IPO7: variants seen among roughly 807,000 people sequenced by gnomAD.
IPO7 encodes importin 7, also known as importin-7.
In IPO7, 13 loss-of-function variants were observed where a neutral mutation model predicts 136.4. The observed-to-expected ratio is 0.10, with a 90% CI of 0.06 to 0.15. The LOEUF (loss-of-function observed/expected upper bound fraction) is 0.15, where lower values mean the gene tolerates loss of function less well. Ranked by LOEUF, IPO7 falls within the 10% of genes least tolerant of loss-of-function variation. The probability of loss-of-function intolerance (pLI) is 1.00; values close to 1 mark genes in which losing one functional copy is unlikely to be tolerated. For synonymous variants in IPO7, 403 were observed against 404.4 expected (o/e 1.00, Z 0.04); for missense variants, 857 against 1,240.6 (o/e 0.69, Z 4.65).
chr11:9,429,693 A>G lies in IPO7; in HGVS notation c.1611A>G (p.Pro537=). The G allele has an allele frequency of 6.2e-7, 1 of 1,608,134 alleles. No homozygotes were observed. Among genetic ancestry groups the G allele is most frequent in the African/African-American group, 1.3e-5 (1 of 74,748 alleles). Residue 537 remains proline (P), a synonymous_variant, in exon 15 of 25, where the codon CCA becomes CCG. Coordinates refer to ENST00000379719, the MANE Select transcript of IPO7 (RefSeq NM_006391.3). ...TTACAGCTAAAGAATATATCACACC[A>G]TTCATCAGACCTGTAATGCAGGCTC... The part of the protein sequence containing the change: ...NQEKAKEYIT[P]FIRPVMQALL...
intron 19 of IPO7, among the ~76,000 whole-genome samples, chr11:9,435,274 CTAACAT>C (rs1855353680): frequency 7.6e-6 from 1 of 130,766 alleles, no homozygotes; most frequent in Admixed American, 7.9e-5. Flanking sequence ...CGGAGTTTAA[CTAACAT>C]AGTCTTATGG....
At chr11:9,424,037 TTGATAA>T (rs1349206504) in intron 10 of IPO7, among the ~76,000 whole-genome samples, 161 bp downstream of exon 10, 1 of 152,220 alleles carries the variant, frequency 6.6e-6, no homozygotes, top group Non-Finnish European at 1.5e-5. Flanking sequence ...ATTATGACAT[TTGATAA>T]TGATAATCTT....
Position 9,406,201 on chromosome 11 carries a change from G to A in IPO7, c.167-2285G>A, listed in dbSNP as rs369236423. 1.1e-3 allele frequency among the ~76,000 whole-genome samples: 155 copies of A among 145,458 alleles called. 1 individual carries two copies. The highest frequency in any genetic ancestry group is 3.8e-3 in the African/African-American group (148 of 39,364). ...TTCCAAAGTATTGAGCTTTACAGGC[G>A]TTAGCCACTATGGCTGGTCTTGAAT... is the stretch of plus-strand genomic sequence containing the variant. On this transcript the variant is annotated intron_variant, in intron 2 of 24. Transcript: ENST00000379719.
chr11:9,433,602 G>A lies in IPO7; in HGVS notation c.1914G>A (p.Gln638=). The change falls in exon 17 of 25, where the codon CAG becomes CAA. Residue 638 remains glutamine (Q), a synonymous_variant. Coordinates refer to ENST00000379719, the MANE Select transcript of IPO7 (RefSeq NM_006391.3). ...ITQQLEGICL[Q]VIGTVLQQHV... Reference sequence around the variant, plus strand: ...AACAGCTTGAGGGAATCTGCTTACAGGTCATTGGTACTGTTTTACAACAGC... The same window carrying A: ...AACAGCTTGAGGGAATCTGCTTACAAGTCATTGGTACTGTTTTACAACAGC... 6.2e-7 allele frequency: 1 copy of A among 1,612,522 alleles called. No individual in the cohort carries two copies. The highest frequency in any genetic ancestry group is 1.1e-5 in the South Asian group (1 of 91,008).
chr11:9,386,372 G>C (rs920278872), intron 1 of IPO7, among the ~76,000 whole-genome samples: 3 of 152,112 alleles, frequency 2.0e-5, no homozygotes, highest in Admixed American at 2.0e-4. Context: ...ACCAAACTAT[G>C]GAAGGAGCAA....
rs1345028878 is a variant in IPO7 at position 9,436,670 on chromosome 11, TTTTG to T, written c.2268+312_2268+315del. Among the ~76,000 whole-genome samples the T allele has an allele frequency of 1.0e-4, 15 of 150,408 alleles. No individual in the cohort carries two copies. The South Asian group carries it at 2.1e-3, about 21-fold the overall frequency. ...TCAGTTTTTTTGTTTGTTTGTTTTG[TTTTG>T]TTTGTTTTTTGTTTTTTGTTTTTTT... On this transcript the variant is annotated intron_variant, in intron 20 of 24. Coordinates refer to ENST00000379719, the MANE Select transcript of IPO7 (RefSeq NM_006391.3).
intron 12 of IPO7, 102 bp downstream of exon 12, chr11:9,425,364 C>T (rs574277110): frequency 6.1e-5 from 45 of 736,402 alleles, no homozygotes; most frequent in Non-Finnish European, 8.5e-5. Flanking sequence ...CCAGCACTTT[C>T]GGGATGCTGA....
chr11:9,423,409 T>A (rs1279007841), intron 9 of IPO7, among the ~76,000 whole-genome samples: 2 of 152,222 alleles, frequency 1.3e-5, no homozygotes, highest in Admixed American at 1.3e-4. Context: ...GATTATATTT[T>A]ATCATGTAAT....
At position 9,397,349 on chromosome 11, in the gene IPO7, T is replaced by A. The variant is rs1458782568; in HGVS notation, c.85-5941T>A. Reference sequence around the variant, plus strand: ...AAAATAATTTAAAAAAAAATATATATATATATATATATATATTAGTCGGGC... The same window carrying A: ...AAAATAATTTAAAAAAAAATATATAAATATATATATATATATTAGTCGGGC... On this transcript the variant is annotated intron_variant, in intron 1 of 24. Coordinates refer to ENST00000379719, the MANE Select transcript of IPO7 (RefSeq NM_006391.3). Among the ~76,000 whole-genome samples, 113 of 19,114 alleles carry A rather than the reference T, an allele frequency of 5.9e-3. 19 individuals carry two copies. The East Asian group carries it at 0.12, about 21-fold the overall frequency. The allele number at this position is 19,114 out of a possible 152,430, so 12.5% of individuals were successfully genotyped here.
intron 23 of IPO7, among the ~76,000 whole-genome samples, chr11:9,441,273 C>T (rs1377358023): frequency 1.3e-5 from 2 of 152,076 alleles, no homozygotes; most frequent in African/African-American, 4.8e-5. Context: ...GTCCACTGTT[C>T]CTATAATGTG....
chr11:9,417,938 TC>T (rs540777117), intron 6 of IPO7, among the ~76,000 whole-genome samples: 1 of 151,266 alleles, frequency 6.6e-6, no homozygotes, highest in Non-Finnish European at 1.5e-5. Flanking sequence ...GTCTCAAACT[TC>T]TGAGCTCAGG....
intron 1 of IPO7, among the ~76,000 whole-genome samples, chr11:9,396,052 C>A (rs1245024934): frequency 1.3e-5 from 2 of 151,868 alleles, no homozygotes; most frequent in African/African-American, 4.8e-5. Context: ...ATCCATTGCA[C>A]TTTTAAAATT....
At chr11:9,424,779 A>T (rs564997644) in intron 10 of IPO7, 135 bp from the exon 11 acceptor site, 1 of 616,058 alleles carries the variant, frequency 1.6e-6, no homozygotes, top group Admixed American at 3.2e-5. Flanking sequence ...CAGAAAAGAC[A>T]TTGAATTCTG....
chr11:9,411,868 C>G (rs1854972632), intron 4 of IPO7, among the ~76,000 whole-genome samples: 1 of 152,118 alleles, frequency 6.6e-6, no homozygotes, highest in Admixed American at 6.5e-5. Context: ...TCCCAGTCCA[C>G]TATTCAGGGT....
rs1564993729 is a variant in IPO7, at chr11:9,403,319, A to T, written c.114A>T (p.Thr38=). ...ACAAGTCTCTGAATTTTGTCTCAAC[A>T]CTGCTCCAGATTACTATGTCGGAAC... The part of the protein sequence containing the change: ...EAHKSLNFVS[T]LLQITMSEQL... Residue 38 remains threonine (T), a synonymous_variant, in exon 2 of 25, where the codon ACA becomes ACT. Coordinates refer to ENST00000379719, the MANE Select transcript of IPO7 (RefSeq NM_006391.3). 1 of 1,613,876 alleles carries T rather than the reference A, an allele frequency of 6.2e-7. No individual in the cohort carries two copies. Among genetic ancestry groups the T allele is most frequent in the African/African-American group, 1.3e-5 (1 of 75,040 alleles).
rs1033791569 is a variant in IPO7 at position 9,414,235 on chromosome 11, G to T, written c.480-20G>T. 1 of 1,575,584 alleles carries T rather than the reference G, an allele frequency of 6.3e-7. No homozygotes were observed. The highest frequency in any genetic ancestry group is 8.6e-7 in the Non-Finnish European group (1 of 1,157,992). ...GTGGAAATAAATTCTTACAGAATTA[G>T]TTTGTATTCCTACTCAAAGGTATAA... On this transcript the variant is annotated intron_variant, in intron 4 of 24. Coordinates refer to ENST00000379719, the MANE Select transcript of IPO7 (RefSeq NM_006391.3).
intron 1 of IPO7, 76 bp from the exon 2 acceptor site, chr11:9,403,214 A>T (rs768964251): frequency 1.5e-5 from 15 of 969,314 alleles, no homozygotes; most frequent in Non-Finnish European, 2.3e-5. Flanking sequence ...ATGGAAATGT[A>T]TTGGAGCCTC....
Position 9,396,017 on chromosome 11 carries a change from C to A in IPO7, c.85-7273C>A, listed in dbSNP as rs573482762. 2.0e-5 allele frequency among the ~76,000 whole-genome samples: 3 copies of A among 152,084 alleles called. No homozygotes were observed. The South Asian group carries it at 6.2e-4, about 32-fold the overall frequency. ...GGATTACAGGCGTGAGCCACCATGC[C>A]TTGCTGAAAGTTATGCTTTTTTTCA... On this transcript the variant is annotated intron_variant, in intron 1 of 24. Transcript: ENST00000379719.
rs561044972 is a variant in IPO7, at chr11:9,435,668, A to T, written c.2173-603A>T. Among the ~76,000 whole-genome samples the T allele has an allele frequency of 3.9e-5, 6 of 152,178 alleles. No individual in the cohort carries two copies. The South Asian group carries it at 1.0e-3, about 26-fold the overall frequency. ...TTATATTAATATTCTGGGAGCAGAG[A>T]TATACCTATACTATCTACATTTCTA... On this transcript the variant is annotated intron_variant, in intron 19 of 24. Transcript: ENST00000379719.
Sources: gnomAD v4.1 joint callset for allele counts (sites outside exome capture counted in the v4.1 genomes callset) on GRCh38, gnomAD v4.1.1 for gene constraint, MANE v1.5 for transcripts, NCBI Gene and HGNC (gene_info 2026-07-23, HGNC 2026-07-21) for gene names.